GRID2: variants seen among roughly 807,000 people sequenced by gnomAD.
GRID2 encodes the protein glutamate ionotropic receptor delta type subunit 2.
Under a neutral mutation model 114.8 loss-of-function variants are expected in GRID2, and 33 were observed. The observed-to-expected ratio is 0.29, with a 90% CI of 0.22 to 0.38. The LOEUF (loss-of-function observed/expected upper bound fraction) is 0.38, where lower values mean the gene tolerates loss of function less well. Ranked by LOEUF, GRID2 falls within the 10% of genes least tolerant of loss-of-function variation. The pLI, the probability that GRID2 is intolerant of heterozygous loss-of-function variation, is 1.00. For synonymous variants in GRID2, 505 were observed against 449.9 expected (o/e 1.12, Z -1.55); for missense variants, 1,184 against 1,257.7 (o/e 0.94, Z 0.89).
intron 14 of GRID2, among the ~76,000 whole-genome samples, chr4:93,724,048 A>C (rs1205699430): frequency 6.6e-6 from 1 of 152,220 alleles, no homozygotes; most frequent in Non-Finnish European, 1.5e-5. Context: ...TTCAGGCAAT[A>C]AAATGAGTTA....
At chr4:93,488,435 A>G (rs553134852) in intron 11 of GRID2, among the ~76,000 whole-genome samples, 1 of 152,034 alleles carries the variant, frequency 6.6e-6, no homozygotes, top group African/African-American at 2.4e-5. Context: ...CCCCACGTAT[A>G]AAATTTAGAC....
intron 2 of GRID2, among the ~76,000 whole-genome samples, chr4:92,680,423 G>A (rs1415725245): frequency 6.6e-6 from 1 of 152,048 alleles, no homozygotes; most frequent in Non-Finnish European, 1.5e-5. Context: ...AAATTAAATT[G>A]TGATCACATG....
chr4:93,671,520 A>G (rs960689191), intron 14 of GRID2, among the ~76,000 whole-genome samples: 5 of 152,208 alleles, frequency 3.3e-5, no homozygotes, highest in Middle Eastern at 3.4e-3. Context: ...AGGCCTTAGT[A>G]CATCATTTAG....
chr4:93,144,112 C>A (rs1019676351), intron 4 of GRID2, among the ~76,000 whole-genome samples: 3 of 152,168 alleles, frequency 2.0e-5, no homozygotes, highest in East Asian at 3.9e-4. Flanking sequence ...TTCAGTCATG[C>A]CAGATAATTT....
chr4:92,399,438 A>G (rs1730671954), intron 1 of GRID2, among the ~76,000 whole-genome samples: 1 of 152,136 alleles, frequency 6.6e-6, no homozygotes, highest in Non-Finnish European at 1.5e-5. Context: ...TTGTCTTTTC[A>G]ACTTGAAGTC....
intron 1 of GRID2, among the ~76,000 whole-genome samples, chr4:92,482,545 T>C (rs79522826): frequency 0.02 from 3,034 of 152,310 alleles, 32 homozygotes; most frequent in South Asian, 0.04. Context: ...AGAATATAAT[T>C]TGACTCCATT....
intron 14 of GRID2, among the ~76,000 whole-genome samples, chr4:93,697,442 G>T (rs1046843748): frequency 6.6e-6 from 1 of 151,926 alleles, no homozygotes; most frequent in Admixed American, 6.6e-5. Context: ...AGCAGATGAC[G>T]GTCACTTTCA....
At chr4:93,744,416 A>C (rs541685362) in intron 14 of GRID2, among the ~76,000 whole-genome samples, 1 of 152,230 alleles carries the variant, frequency 6.6e-6, no homozygotes, top group East Asian at 1.9e-4. Flanking sequence ...ATCAACATCA[A>C]CAAGAGTTGG....
intron 2 of GRID2, among the ~76,000 whole-genome samples, chr4:92,992,617 CTTTA>C (rs1560777178): frequency 1.3e-5 from 2 of 152,186 alleles, no homozygotes; most frequent in East Asian, 3.9e-4. Context: ...TGAAACTCAT[CTTTA>C]TTTGTGAGAA....
At chr4:93,179,271 G>A (rs1175727097) in intron 4 of GRID2, among the ~76,000 whole-genome samples, 1 of 152,124 alleles carries the variant, frequency 6.6e-6, no homozygotes, top group Non-Finnish European at 1.5e-5. Flanking sequence ...AGGGTAGATG[G>A]GAGTGAAAGC....
chr4:93,734,443 TGG>T (rs1730754453), intron 14 of GRID2, among the ~76,000 whole-genome samples: 1 of 152,092 alleles, frequency 6.6e-6, no homozygotes, highest in Non-Finnish European at 1.5e-5. Context: ...AGTGAATGTT[TGG>T]TTTCCCTTAT....
At chr4:93,784,059 G>C (rs1023837627) in intron 1 of GRID2, among the ~76,000 whole-genome samples, 2 of 101,152 alleles carry the variant, frequency 2.0e-5, no homozygotes, top group Non-Finnish European at 1.8e-5. Context: ...GCGACAGAGC[G>C]AGACTCCGTC....
intron 2 of GRID2, among the ~76,000 whole-genome samples, chr4:92,925,033 A>G (rs1275314690): frequency 6.6e-6 from 1 of 152,126 alleles, no homozygotes; most frequent in East Asian, 1.9e-4. Context: ...ACATTTTAAC[A>G]TATGAATTAA....
chr4:92,545,420 G>T (rs1244751408), intron 1 of GRID2, among the ~76,000 whole-genome samples: 2 of 152,126 alleles, frequency 1.3e-5, no homozygotes, highest in South Asian at 2.1e-4. Flanking sequence ...AGAGTAGAAT[G>T]AAATCAGCAT....
chr4:93,586,841 G>A (rs1415959021), intron 13 of GRID2, among the ~76,000 whole-genome samples: 1 of 152,082 alleles, frequency 6.6e-6, no homozygotes, highest in Non-Finnish European at 1.5e-5. Flanking sequence ...AGTTGCTTCA[G>A]TAATACCAAA....
chr4:92,869,921 C>G (rs1745149928), intron 2 of GRID2, among the ~76,000 whole-genome samples: 1 of 152,048 alleles, frequency 6.6e-6, no homozygotes, highest in Admixed American at 6.6e-5. Flanking sequence ...AAGTTGGGTG[C>G]AGTGGCCCAT....
intron 2 of GRID2, among the ~76,000 whole-genome samples, chr4:92,610,847 A>T (rs1384109501): frequency 3.3e-5 from 5 of 151,622 alleles, no homozygotes; most frequent in Admixed American, 6.6e-5. Context: ...TCTTAGAATG[A>T]GTTTTTGATG....
At chr4:92,631,250 G>A (rs1180785346) in intron 2 of GRID2, among the ~76,000 whole-genome samples, 6 of 152,066 alleles carry the variant, frequency 3.9e-5, no homozygotes, top group Non-Finnish European at 7.4e-5. Context: ...AGGGTAGAAA[G>A]TAAACTCTGA....
At chr4:93,422,133 G>A (rs185205214) in intron 9 of GRID2, among the ~76,000 whole-genome samples, 106 of 152,280 alleles carry the variant, frequency 7.0e-4, no homozygotes, top group Non-Finnish European at 1.3e-3. Flanking sequence ...AAAGATAAAA[G>A]AGGTGGAAGC....
Sources: allele counts gnomAD v4.1 joint callset (sites outside exome capture counted in the v4.1 genomes callset), GRCh38; gene constraint gnomAD v4.1.1; transcripts MANE v1.5; gene names NCBI Gene and HGNC (gene_info 2026-07-23, HGNC 2026-07-21).